The following MARK4 variants were observed in gnomAD, a reference collection of about 807,000 sequenced individuals.
MARK4 encodes MAP/microtubule affinity-regulating kinase 4.
Under a neutral mutation model 81.5 loss-of-function variants are expected in MARK4, and 19 were observed. The observed-to-expected ratio is 0.23, with a 90% CI of 0.16 to 0.34. The LOEUF is 0.34. Ranked by LOEUF, MARK4 falls within the 10% of genes least tolerant of loss-of-function variation. MARK4 has a pLI of 1.00. For synonymous variants in MARK4, 436 were observed against 439.0 expected (o/e 0.99, Z 0.08); for missense variants, 772 against 1,058.8 (o/e 0.73, Z 3.76).
chr19:45,273,306 C>T (rs922092445), intron 8 of MARK4, among the ~76,000 whole-genome samples: 7 of 152,196 alleles, frequency 4.6e-5, no homozygotes, highest in Admixed American at 1.3e-4. Context: ...CTGCCCTCAT[C>T]GGCATTGATG....
intron 13 of MARK4, chr19:45,288,052 C>T (rs753303821): frequency 1.2e-4 from 27 of 231,648 alleles, no homozygotes; most frequent in East Asian, 1.1e-3. Context: ...GCATAGCAGA[C>T]GCCATCTCAA....
At chr19:45,294,555 G>C in intron 14 of MARK4, 103 bp downstream of exon 14, 1 of 986,130 alleles carries the variant, frequency 1.0e-6, no homozygotes. Flanking sequence ...GGTGCCATGG[G>C]GACCAGAGAG....
chr19:45,264,574 TGTTGA>T, intron 4 of MARK4, 105 bp from the exon 5 acceptor site: 1 of 957,612 alleles, frequency 1.0e-6, no homozygotes, highest in Non-Finnish European at 1.6e-6. Flanking sequence ...AGCCATTGAG[TGTTGA>T]GTTGGGGTGG....
rs461695 is a variant in MARK4, at chr19:45,251,311, T to C, written c.-278T>C. ...CTCCACCGCCTCCCTCCGCCGCCGC[T>C]TGGGCCGGCTCCGCGCCCCCTCCGC... is the stretch of plus-strand genomic sequence containing the variant. On this transcript the variant is annotated 5_prime_UTR_variant, in exon 1 of 17. Coordinates refer to ENST00000262891, the MANE Select transcript of MARK4 (RefSeq NM_001199867.2). The C allele has an allele frequency of 0.99, 142,468 of 144,106 alleles. 70,427 individuals are homozygous for C. Among genetic ancestry groups the C allele is most frequent in the East Asian group, 1 (4,777 of 4,782 alleles). 8.9% of individuals were successfully genotyped at this position (144,106 alleles called of 1,614,324 possible).
chr19:45,300,751 ACT>A (rs1215494807), intron 16 of MARK4, among the ~76,000 whole-genome samples: 1 of 151,954 alleles, frequency 6.6e-6, no homozygotes. Context: ...GCCAGGGCTG[ACT>A]CTCATTGGTT....
intron 15 of MARK4, among the ~76,000 whole-genome samples, chr19:45,299,408 CTG>C (rs990490384): frequency 2.6e-5 from 4 of 152,012 alleles, no homozygotes; most frequent in Non-Finnish European, 5.9e-5. Context: ...GAGTGAGACT[CTG>C]TCTCAAAAAA....
In MARK4 at chr19:45,253,691, G is replaced by A. The variant is rs892031021; in HGVS notation, c.51+2052G>A. 2.6e-5 allele frequency among the ~76,000 whole-genome samples: 4 copies of A among 152,118 alleles called. 1 individual carries two copies. In the South Asian group the frequency reaches 8.3e-4, roughly 32 times the overall value. ...TTATCTCTAAATCGGGTTGATGATG[G>A]CCCCCCACTGTTAGGGATGTTTGCA... On this transcript the variant is annotated intron_variant, in intron 1 of 16. Transcript: ENST00000262891.
Position 45,277,821 on chromosome 19 carries a change from GGTTGTGTGTGT to G in MARK4, c.787-99_787-89del, listed in dbSNP as rs1297589108. 7.8e-6 allele frequency: 10 copies of G among 1,288,502 alleles called. No homozygotes were observed. In the African/African-American group the frequency reaches 1.5e-4, roughly 19 times the overall value. 79.8% of individuals were successfully genotyped at this position (1,288,502 alleles called of 1,614,324 possible). On this transcript the variant is annotated intron_variant, in intron 8 of 16. Transcript: ENST00000262891. The stretch of plus-strand genomic sequence containing the variant: ...CTTCTATCAAAGGGGTTGGGACAAA[GGTTGTGTGTGT>G]GTGTGTGTGTGTGTGTGTGTGTGTG...
At chr19:45,298,208 A>G (rs1464775970) in intron 15 of MARK4, 1 of 1,614,034 alleles carries the variant, frequency 6.2e-7, no homozygotes, top group Admixed American at 1.7e-5. Flanking sequence ...TCTCTGCCCC[A>G]GGGATCCAAG....
chr19:45,270,434 T>C (rs1970511114), intron 7 of MARK4, among the ~76,000 whole-genome samples: 1 of 152,176 alleles, frequency 6.6e-6, no homozygotes, highest in Non-Finnish European at 1.5e-5. Flanking sequence ...GATTAAATTA[T>C]TGCTTTCGTT....
chr19:45,260,560 G>A (rs1337040385), intron 2 of MARK4, among the ~76,000 whole-genome samples: 1 of 151,954 alleles, frequency 6.6e-6, no homozygotes. Flanking sequence ...AGCTGGGTGT[G>A]GTGGTGCGTG....
intron 2 of MARK4, among the ~76,000 whole-genome samples, chr19:45,262,429 A>G (rs942120827): frequency 1.3e-5 from 2 of 152,138 alleles, no homozygotes; most frequent in African/African-American, 4.8e-5. Flanking sequence ...GAAGATTAAG[A>G]GTTCTCGTTT....
chr19:45,287,540 C>T lies in MARK4; in HGVS notation c.1370C>T (p.Ala457Val), dbSNP rs377173611. The part of the protein sequence containing the change: ...LKEERLPGRK[A>V]SCSTAGSGSR... ...GAGGAGCGGCTGCCAGGCCGGAAGG[C>T]GAGCTGCAGCACCGCGGGGAGTGGG... Residue 457 changes from alanine (A) to valine (V), a missense_variant, in exon 13 of 17, where the codon GCG becomes GTG. Ala to Val is a moderately conservative substitution (Grantham distance 64). Coordinates refer to ENST00000262891, the MANE Select transcript of MARK4 (RefSeq NM_001199867.2). 33 of 1,577,544 alleles carry T rather than the reference C, an allele frequency of 2.1e-5. No homozygotes were observed. The highest frequency in any genetic ancestry group is 9.2e-5 in the East Asian group (4 of 43,458).
intron 1 of MARK4, among the ~76,000 whole-genome samples, chr19:45,254,561 C>T (rs758217750): frequency 6.6e-6 from 1 of 152,244 alleles, no homozygotes; most frequent in Non-Finnish European, 1.5e-5. Flanking sequence ...CTCCATCTGC[C>T]CTGTGACCTT....
chr19:45,281,879 C>T (rs565544222), intron 12 of MARK4, among the ~76,000 whole-genome samples: 29 of 152,216 alleles, frequency 1.9e-4, no homozygotes, highest in Admixed American at 6.5e-4. Flanking sequence ...TGATTATACC[C>T]CACATTCTGC....
Position 45,302,503 on chromosome 19 carries a change from C to T in MARK4, c.2052C>T (p.Ala684=). Residue 684 remains alanine (A), a synonymous_variant, in exon 17 of 17, where the codon GCC becomes GCT. Transcript: ENST00000262891. This position sits in a 1 kb window ranked among gnomAD's most constrained non-coding sequence, Gnocchi z 4.9. Reference sequence around the variant, plus strand: ...CTCTGCGCCAGGCCACAGCAGCCGCCCGCTGCCGCTGCCGCCAGCCACAGC... The same window carrying T: ...CTCTGCGCCAGGCCACAGCAGCCGCTCGCTGCCGCTGCCGCCAGCCACAGC... The part of the protein sequence containing the change: ...MAALRQATAA[A]RCRCRQPQPF... 4 of 1,602,036 alleles carry T rather than the reference C, an allele frequency of 2.5e-6. No homozygotes were observed. Among genetic ancestry groups the T allele is most frequent in the Non-Finnish European group, 1.7e-6 (2 of 1,178,716 alleles).
Position 45,297,048 on chromosome 19 carries a change from C to CAAAA in MARK4, c.1599-611_1599-608dup, listed in dbSNP as rs35511511. On this transcript the variant is annotated intron_variant, in intron 14 of 16. Coordinates refer to ENST00000262891, the MANE Select transcript of MARK4 (RefSeq NM_001199867.2). ...TAGGTGACAGAGTGAGACTCTGTCT[C>CAAAA]AAAAAAAAAAAAAAAAAAAATTAGC... 1.9e-4 allele frequency among the ~76,000 whole-genome samples: 17 copies of CAAAA among 90,564 alleles called. 1 individual carries two copies. Among genetic ancestry groups the CAAAA allele is most frequent in the South Asian group, 3.8e-4 (1 of 2,660 alleles). 59.4% of individuals were successfully genotyped at this position (90,564 alleles called of 152,430 possible).
At chr19:45,265,092 G>A (rs984776974) in intron 6 of MARK4, among the ~76,000 whole-genome samples, 182 bp downstream of exon 6, 1 of 152,194 alleles carries the variant, frequency 6.6e-6, no homozygotes, top group Non-Finnish European at 1.5e-5. Context: ...GCATCCGGAT[G>A]TAGGTTTGCA....
intron 7 of MARK4, among the ~76,000 whole-genome samples, chr19:45,269,798 G>A (rs345414): frequency 5.8e-4 from 89 of 152,194 alleles, no homozygotes; most frequent in African/African-American, 1.9e-3. Context: ...TTGCAAGACC[G>A]CATGCCGCAA....
Sources: gnomAD v4.1 joint callset for allele counts (sites outside exome capture counted in the v4.1 genomes callset) on GRCh38, gnomAD v4.1.1 for gene constraint, Gnocchi (gnomAD v3.1) non-coding constraint, MANE v1.5 for transcripts, NCBI Gene and HGNC (gene_info 2026-07-23, HGNC 2026-07-21) for gene names.